The following TAF4 variants were observed in gnomAD, a reference collection of about 807,000 sequenced individuals.
TAF4 encodes the protein TATA-box binding protein associated factor 4, also known as transcription initiation factor TFIID subunit 4.
Under a neutral mutation model 90.3 loss-of-function variants are expected in TAF4, and 9 were observed. That is an observed-to-expected ratio of 0.10 (90% CI 0.06 to 0.17). TAF4 has a LOEUF of 0.17. Among genes scored for constraint, TAF4 ranks in the 10% least tolerant of loss-of-function variants. TAF4 has a pLI of 1.00. For synonymous variants in TAF4, 818 were observed against 638.9 expected, an observed-to-expected ratio of 1.28 and a Z score of -4.23; for missense variants, 1,351 against 1,370.7, an observed-to-expected ratio of 0.99 and a Z score of 0.23.
intron 1 of TAF4, among the ~76,000 whole-genome samples, chr20:62,060,945 G>T (rs1468826453): frequency 1.3e-5 from 2 of 152,232 alleles, no homozygotes; most frequent in Non-Finnish European, 2.9e-5. Context: ...TTGGAATAGT[G>T]AGCGCCACCT....
intron 1 of TAF4, among the ~76,000 whole-genome samples, chr20:62,055,919 G>A (rs957443751): frequency 1.3e-5 from 2 of 152,258 alleles, no homozygotes; most frequent in South Asian, 2.1e-4. Flanking sequence ...GCCTTCCCCC[G>A]TGGCCCAGTA....
At chr20:62,038,138 C>T (rs1329810730) in intron 1 of TAF4, among the ~76,000 whole-genome samples, 4 of 152,066 alleles carry the variant, frequency 2.6e-5, no homozygotes, top group Non-Finnish European at 5.9e-5. Context: ...ATGCCATTCT[C>T]CTGCCTCAGC....
chr20:62,005,964 G>C (rs1378870914), intron 7 of TAF4: 3 of 152,436 alleles, frequency 2.0e-5, no homozygotes, highest in African/African-American at 7.2e-5. Flanking sequence ...TTCTGGCAAA[G>C]ACATCCTTTC....
chr20:62,006,845 CA>C lies in TAF4; in HGVS notation c.1975-88del, dbSNP rs1276350108. The C allele has an allele frequency of 5.2e-5, 73 of 1,414,240 alleles. No homozygotes were observed. Among genetic ancestry groups the C allele is most frequent in the Admixed American group, 1.1e-4 (4 of 37,226 alleles). 87.6% of individuals were successfully genotyped at this position (1,414,240 alleles called of 1,614,324 possible). ...AAAAATTCAGAAATATCAACTTTTA[CA>C]GAAAGCTTTTGAGCTAAGTAAGATG... is the stretch of plus-strand genomic sequence containing the variant. On this transcript the variant is annotated intron_variant, in intron 6 of 14. Coordinates refer to ENST00000252996, the MANE Select transcript of TAF4 (RefSeq NM_003185.4). The surrounding 1 kb of genome is among the most constrained non-coding windows in gnomAD (Gnocchi z 7.0).
At position 62,006,603 on chromosome 20, in the gene TAF4, C is replaced by T. The variant is rs745357346; in HGVS notation, c.2130G>A (p.Ala710=). ...GCTGGAGGGCACTGGTCACGGTGGC[C>T]GCCGTCTTCCCGGCCGTGCGCTGGA... ...SSVQRTAGKT[A]ATVTSALQPP... is the part of the protein sequence containing the mutation. Residue 710 remains alanine (A), a synonymous_variant, in exon 7 of 15, where the codon GCG becomes GCA. Coordinates refer to ENST00000252996, the MANE Select transcript of TAF4 (RefSeq NM_003185.4). This position sits in a 1 kb window ranked among gnomAD's most constrained non-coding sequence, Gnocchi z 7.0. 6 of 1,599,918 alleles carry T rather than the reference C, an allele frequency of 3.8e-6. No individual in the cohort carries two copies. Among genetic ancestry groups the T allele is most frequent in the East Asian group, 2.3e-5 (1 of 44,296 alleles).
At chr20:61,985,277 C>T (rs2055580851) in intron 14 of TAF4, among the ~76,000 whole-genome samples, 2 of 151,836 alleles carry the variant, frequency 1.3e-5, no homozygotes, top group Admixed American at 1.3e-4. Context: ...ATGACGGCCA[C>T]ACTGAAGGGT....
rs1459243117 is a variant in TAF4, at chr20:62,065,844, C to T, written c.-34G>A. 4.9e-6 allele frequency: 6 copies of T among 1,220,598 alleles called. No homozygotes were observed. The highest frequency in any genetic ancestry group is 6.3e-6 in the Non-Finnish European group (6 of 956,776). 75.6% of individuals were successfully genotyped at this position (1,220,598 alleles called of 1,614,324 possible). On this transcript the variant is annotated 5_prime_UTR_variant, in exon 1 of 15. Coordinates refer to ENST00000252996, the MANE Select transcript of TAF4 (RefSeq NM_003185.4). Reference sequence around the variant, plus strand: ...CTCGGCCGCCGCCGCCGCCGCCGCTCGGGCCGAGCGCGCCTGGGCGAGGAG... The same window carrying T: ...CTCGGCCGCCGCCGCCGCCGCCGCTTGGGCCGAGCGCGCCTGGGCGAGGAG...
intron 11 of TAF4, 132 bp downstream of exon 11, chr20:61,999,992 A>T: frequency 9.0e-7 from 1 of 1,117,148 alleles, no homozygotes. Context: ...GAAATCCAAA[A>T]CACGTTCGTA....
At position 62,030,457 on chromosome 20, in the gene TAF4, C is replaced by G. The variant is rs975380918; in HGVS notation, c.1361-15750G>C. Among the ~76,000 whole-genome samples the G allele has an allele frequency of 1.3e-5, 2 of 152,220 alleles. 1 individual carries two copies. Among genetic ancestry groups the G allele is most frequent in the Admixed American group, 1.3e-4 (2 of 15,284 alleles). On this transcript the variant is annotated intron_variant, in intron 1 of 14. Coordinates refer to ENST00000252996, the MANE Select transcript of TAF4 (RefSeq NM_003185.4). Reference sequence around the variant, plus strand: ...ACATTAAAATGATTTTCCAGTCATTCAACAGTTAATAAAGTTTACCCTGCC... The same window carrying G: ...ACATTAAAATGATTTTCCAGTCATTGAACAGTTAATAAAGTTTACCCTGCC...
chr20:62,022,105 C>A (rs2055847377), intron 1 of TAF4, among the ~76,000 whole-genome samples: 2 of 152,124 alleles, frequency 1.3e-5, no homozygotes, highest in South Asian at 4.1e-4. Flanking sequence ...ATCCCTCCCT[C>A]CCTTTCCCAG....
intron 1 of TAF4, among the ~76,000 whole-genome samples, chr20:62,051,195 C>T (rs576381904): frequency 6.6e-6 from 1 of 152,312 alleles, no homozygotes; most frequent in East Asian, 1.9e-4. Context: ...GGACCAAGTC[C>T]CCTGTGGGAC....
chr20:61,976,241 T>G lies in TAF4; in HGVS notation c.3185A>C (p.Asp1062Ala). 6.2e-7 allele frequency: 1 copy of G among 1,614,012 alleles called. No homozygotes were observed. The highest frequency in any genetic ancestry group is 8.5e-7 in the Non-Finnish European group (1 of 1,180,024). ...TTCATTTTCTAAACAAAATATGAGG[T>G]CCCTGAGGTTGACCCGCGTGATTCT... ...RQRITRVNLR[D>A]LIFCLENERE... Residue 1062 changes from aspartate to alanine, a missense_variant, in exon 15 of 15, where the codon GAC (aspartate) becomes GCC (alanine). Asp to Ala is a moderately radical substitution (Grantham distance 126). Around this residue, in one of 9 missense-constraint regions of TAF4, gnomAD observed 13 missense variants for 40.6 expected, o/e 0.32. Transcript: ENST00000252996.
rs180733222 is a variant in TAF4 at position 62,010,667 on chromosome 20, C to T, written c.1642-502G>A. On this transcript the variant is annotated intron_variant, in intron 3 of 14. Coordinates refer to ENST00000252996, the MANE Select transcript of TAF4 (RefSeq NM_003185.4). This position sits in a 1 kb window ranked among gnomAD's most constrained non-coding sequence, Gnocchi z 4.5. ...CCCCAGCTCCCTGCAATCACCCAAA[C>T]CCACCTTTCTTTACTCCCCAAAAGT... is the stretch of plus-strand genomic sequence containing the variant. Among the ~76,000 whole-genome samples, 344 of 152,196 alleles carry T rather than the reference C, an allele frequency of 2.3e-3. 1 individual carries two copies. Among genetic ancestry groups the T allele is most frequent in the Admixed American group, 4.1e-3 (63 of 15,288 alleles).
Position 62,006,429 on chromosome 20 carries a change from G to T in TAF4, c.2223+81C>A. 7.6e-7 allele frequency: 1 copy of T among 1,319,772 alleles called. No homozygotes were observed. The highest frequency in any genetic ancestry group is 9.7e-7 in the Non-Finnish European group (1 of 1,032,050). The allele number at this position is 1,319,772 out of a possible 1,614,324, so 81.8% of individuals were successfully genotyped here. ...CTGCATGCTTGGAAAAGGTTTCTGAGCCGTGGCCAATTTATCTAAGAAGCG... is the reference window on the plus strand; with the variant it reads ...CTGCATGCTTGGAAAAGGTTTCTGATCCGTGGCCAATTTATCTAAGAAGCG... On this transcript the variant is annotated intron_variant, in intron 7 of 14. Coordinates refer to ENST00000252996, the MANE Select transcript of TAF4 (RefSeq NM_003185.4). The surrounding 1 kb of genome is among the most constrained non-coding windows in gnomAD (Gnocchi z 7.0).
At chr20:62,035,317 G>C (rs1319082249) in intron 1 of TAF4, among the ~76,000 whole-genome samples, 1 of 152,208 alleles carries the variant, frequency 6.6e-6, no homozygotes, top group Non-Finnish European at 1.5e-5. Flanking sequence ...AATTAGTATG[G>C]AGCTAAATTA....
intron 14 of TAF4, among the ~76,000 whole-genome samples, chr20:61,991,044 C>T (rs1171329362): frequency 6.6e-6 from 1 of 152,044 alleles, no homozygotes; most frequent in Non-Finnish European, 1.5e-5. Context: ...GAAACACATA[C>T]TCAAAACAGC....
At chr20:62,056,516 AG>A (rs2056065085) in intron 1 of TAF4, among the ~76,000 whole-genome samples, 1 of 152,202 alleles carries the variant, frequency 6.6e-6, no homozygotes, top group Admixed American at 6.5e-5. Flanking sequence ...ATTCACCTAC[AG>A]GGGGCCACTT....
intron 9 of TAF4, among the ~76,000 whole-genome samples, chr20:62,001,736 G>A (rs1033962734): frequency 6.6e-6 from 1 of 152,134 alleles, no homozygotes; most frequent in Admixed American, 6.5e-5. Flanking sequence ...GCCATGGGAG[G>A]GAGGCTGCTC....
chr20:62,041,032 G>A (rs148567965), intron 1 of TAF4, among the ~76,000 whole-genome samples: 2 of 152,360 alleles, frequency 1.3e-5, no homozygotes, highest in Non-Finnish European at 2.9e-5. Flanking sequence ...TGCACACGAT[G>A]CCCCTCCAAG....
Sources: gnomAD v4.1 joint callset for allele counts (sites outside exome capture counted in the v4.1 genomes callset) on GRCh38, gnomAD v4.1.1 for gene constraint, gnomAD v4.1.1 regional missense constraint, Gnocchi (gnomAD v3.1) non-coding constraint, MANE v1.5 for transcripts, NCBI Gene and HGNC (gene_info 2026-07-23, HGNC 2026-07-21) for gene names.